RIT2: variants seen among roughly 807,000 people sequenced by gnomAD.
RIT2 encodes the protein Ras like without CAAX 2, also known as GTP-binding protein Rit2.
A neutral mutation model predicts 23.7 loss-of-function variants in RIT2; 24 were observed. The observed-to-expected ratio is 1.01, with a 90% CI of 0.73 to 1.43. The LOEUF (loss-of-function observed/expected upper bound fraction) is 1.43, where lower values mean the gene tolerates loss of function less well. RIT2 is among the 40% of genes most tolerant of loss of function. The probability of loss-of-function intolerance (pLI) is 0.00; values close to 1 mark genes in which losing one functional copy is unlikely to be tolerated. For missense variants in RIT2, 236 were observed against 266.9 expected (o/e 0.88, Z 0.81); for synonymous variants, 107 against 91.1 (o/e 1.17, Z -0.99).
intron 1 of RIT2, among the ~76,000 whole-genome samples, chr18:43,038,580 C>A (rs1276154630): frequency 6.6e-6 from 1 of 151,936 alleles, no homozygotes; most frequent in East Asian, 1.9e-4. Context: ...CCTACAATTT[C>A]TTTTTTCTCA....
At chr18:43,092,616 T>C (rs904973440) in intron 1 of RIT2, among the ~76,000 whole-genome samples, 3 of 152,032 alleles carry the variant, frequency 2.0e-5, no homozygotes, top group Non-Finnish European at 4.4e-5. Context: ...CAAAAACCAA[T>C]GTGATTACAA....
At chr18:43,001,863 G>A (rs775841816) in intron 2 of RIT2, among the ~76,000 whole-genome samples, 1 of 151,990 alleles carries the variant, frequency 6.6e-6, no homozygotes, top group African/African-American at 2.4e-5. Context: ...ATTAAGATGA[G>A]GAATAACTCC....
intron 4 of RIT2, among the ~76,000 whole-genome samples, chr18:42,771,272 C>T (rs184161193): frequency 2.0e-3 from 305 of 152,216 alleles, no homozygotes; most frequent in Non-Finnish European, 3.6e-3. Flanking sequence ...AGTTTCACTG[C>T]GATGTCATTT....
intron 1 of RIT2, among the ~76,000 whole-genome samples, chr18:43,077,045 G>C (rs1385796857): frequency 7.1e-6 from 1 of 141,746 alleles, no homozygotes; most frequent in African/African-American, 2.6e-5. Context: ...GGAGCTTGCA[G>C]TGAGCCGAGA....
intron 1 of RIT2, among the ~76,000 whole-genome samples, chr18:43,061,162 A>C (rs2144322652): frequency 6.6e-6 from 1 of 152,216 alleles, no homozygotes; most frequent in South Asian, 2.1e-4. Flanking sequence ...AGATTCTAAA[A>C]CCAGTCCTCT....
At chr18:42,971,738 T>C (rs1418374132) in intron 3 of RIT2, among the ~76,000 whole-genome samples, 1 of 151,954 alleles carries the variant, frequency 6.6e-6, no homozygotes, top group Non-Finnish European at 1.5e-5. Flanking sequence ...TCACAGGTTT[T>C]CTCAATCACT....
intron 4 of RIT2, among the ~76,000 whole-genome samples, chr18:42,791,173 T>C (rs760210764): frequency 1.4e-4 from 21 of 152,228 alleles, no homozygotes; most frequent in Non-Finnish European, 2.6e-4. Context: ...TGAATTAATA[T>C]AGTCATATAA....
chr18:42,934,856 C>A (rs1387073281), intron 3 of RIT2, among the ~76,000 whole-genome samples: 1 of 152,100 alleles, frequency 6.6e-6, no homozygotes, highest in Non-Finnish European at 1.5e-5. Context: ...CAGTCTCTTG[C>A]CCCTCAAAGT....
intron 3 of RIT2, among the ~76,000 whole-genome samples, chr18:42,957,356 A>C (rs1909996289): frequency 6.6e-6 from 1 of 152,192 alleles, no homozygotes; most frequent in Admixed American, 6.6e-5. Context: ...GACAAATTTT[A>C]AACTGTCTTG....
intron 4 of RIT2, among the ~76,000 whole-genome samples, chr18:42,774,067 AC>A (rs1373337789): frequency 6.6e-6 from 1 of 152,196 alleles, no homozygotes; most frequent in Non-Finnish European, 1.5e-5. Context: ...CATCAGTGTC[AC>A]CAGGAGCCAG....
chr18:43,014,583 T>C (rs1598748373), intron 2 of RIT2, among the ~76,000 whole-genome samples: 2 of 49,922 alleles, frequency 4.0e-5, no homozygotes, highest in South Asian at 2.9e-3. Context: ...ATCTCAGATA[T>C]GTAGAAATAA....
intron 4 of RIT2, among the ~76,000 whole-genome samples, chr18:42,907,090 T>G (rs1406131517): frequency 6.6e-6 from 1 of 152,230 alleles, no homozygotes; most frequent in East Asian, 1.9e-4. Flanking sequence ...CTGTATCTAC[T>G]GTTTTTTTAA....
chr18:43,027,983 A>C (rs1287099171), intron 2 of RIT2, among the ~76,000 whole-genome samples: 1 of 152,100 alleles, frequency 6.6e-6, no homozygotes, highest in Non-Finnish European at 1.5e-5. Context: ...TTCCTAATAA[A>C]CATGCACTGT....
intron 4 of RIT2, among the ~76,000 whole-genome samples, chr18:42,859,838 C>T (rs1293095408): frequency 6.6e-6 from 1 of 151,690 alleles, no homozygotes; most frequent in African/African-American, 2.4e-5. Context: ...CATGCCATCT[C>T]TGCTCACTGC....
At chr18:42,837,474 TAAA>T (rs1555641179) in intron 4 of RIT2, among the ~76,000 whole-genome samples, 1 of 149,298 alleles carries the variant, frequency 6.7e-6, no homozygotes, top group African/African-American at 2.5e-5. Flanking sequence ...GCCTCTTTTT[TAAA>T]AAAAAAAATG....
intron 4 of RIT2, among the ~76,000 whole-genome samples, chr18:42,856,519 A>T (rs529575352): frequency 6.6e-6 from 1 of 152,302 alleles, no homozygotes; most frequent in African/African-American, 2.4e-5. Flanking sequence ...CCTTTTCTCC[A>T]ACTAATCTGC....
At chr18:43,026,679 T>G (rs1322216123) in intron 2 of RIT2, among the ~76,000 whole-genome samples, 1 of 139,510 alleles carries the variant, frequency 7.2e-6, no homozygotes, top group Non-Finnish European at 1.6e-5. Flanking sequence ...TTTTTCTTTC[T>G]TTTTTTTTTT....
At chr18:42,956,034 C>T (rs1453317270) in intron 3 of RIT2, among the ~76,000 whole-genome samples, 2 of 152,006 alleles carry the variant, frequency 1.3e-5, no homozygotes, top group Admixed American at 6.6e-5. Context: ...TAAAAGTTAC[C>T]CTAGGTGATT....
chr18:42,779,103 G>A (rs1401326874), intron 4 of RIT2, among the ~76,000 whole-genome samples: 1 of 152,084 alleles, frequency 6.6e-6, no homozygotes, highest in African/African-American at 2.4e-5. Context: ...TTTTCATATT[G>A]ATCAAGATGT....
Sources: gnomAD v4.1 joint callset for allele counts (sites outside exome capture counted in the v4.1 genomes callset) on GRCh38, gnomAD v4.1.1 for gene constraint, MANE v1.5 for transcripts, NCBI Gene and HGNC (gene_info 2026-07-23, HGNC 2026-07-21) for gene names.